The following MYO5A variants were observed in gnomAD, a reference collection of about 807,000 sequenced individuals.
MYO5A encodes myosin VA.
In MYO5A, 98 loss-of-function variants were observed where a neutral mutation model predicts 249.7. The observed-to-expected ratio is 0.39, with a 90% CI of 0.33 to 0.46. The LOEUF (loss-of-function observed/expected upper bound fraction) is 0.46. MYO5A is among the 20% of genes least tolerant of loss of function. MYO5A has a pLI of 0.98. For synonymous variants in MYO5A, 778 were observed against 810.6 expected, an observed-to-expected ratio of 0.96 and a Z score of 0.68; for missense variants, 1,696 against 2,308.8, an observed-to-expected ratio of 0.73 and a Z score of 5.44.
chr15:52,507,803 C>CAAAAAAA lies in MYO5A; in HGVS notation c.27+20976_27+20977insTTTTTTT, dbSNP rs146846192. Reference sequence around the variant, plus strand: ...TGAGCAACAGAATGAGACCCTGTCCCCAAAAAAAAAAAAAAAAAGTGTAAT... The same window carrying CAAAAAAA: ...TGAGCAACAGAATGAGACCCTGTCCCAAAAAAACAAAAAAAAAAAAAAAAAGTGTAAT... On this transcript the variant is annotated intron_variant, in intron 1 of 41. Transcript: ENST00000399233. Among the ~76,000 whole-genome samples the CAAAAAAA allele has an allele frequency of 3.4e-4, 43 of 127,206 alleles. 1 individual carries two copies. Among genetic ancestry groups the CAAAAAAA allele is most frequent in the African/African-American group, 7.6e-4 (24 of 31,514 alleles). 83.5% of individuals were successfully genotyped at this position (127,206 alleles called of 152,430 possible).
rs574580286 is a variant in MYO5A at position 52,350,452 on chromosome 15, T to G, written c.3849+802A>C. Reference sequence around the variant, plus strand: ...AATATCATTTCTAAGAGGAGTACTCTCAGATTTTCAGGCATCCAGCTCATT... The same window carrying G: ...AATATCATTTCTAAGAGGAGTACTCGCAGATTTTCAGGCATCCAGCTCATT... On this transcript the variant is annotated intron_variant, in intron 28 of 41. Coordinates refer to ENST00000399233, the MANE Select transcript of MYO5A (RefSeq NM_001382347.1). Among the ~76,000 whole-genome samples the G allele has an allele frequency of 5.3e-5, 8 of 152,306 alleles. No individual in the cohort carries two copies. The South Asian group carries it at 1.7e-3, about 32-fold the overall frequency.
intron 1 of MYO5A, among the ~76,000 whole-genome samples, chr15:52,487,118 G>A (rs566965654): frequency 6.6e-6 from 1 of 152,296 alleles, no homozygotes; most frequent in South Asian, 2.1e-4. Flanking sequence ...GGAACACTGT[G>A]CTAAAATGGG....
chr15:52,373,591 G>C (rs2041242770), intron 20 of MYO5A, among the ~76,000 whole-genome samples: 1 of 152,254 alleles, frequency 6.6e-6, no homozygotes, highest in African/African-American at 2.4e-5. Flanking sequence ...TAATGTGATG[G>C]CTGTTGGCTT....
rs2037697874 is a variant in MYO5A, at chr15:52,308,979, AC to A, written c.*4716del. 1 of 152,678 alleles carries A rather than the reference AC, an allele frequency of 6.5e-6. No homozygotes were observed. The highest frequency in any genetic ancestry group is 6.5e-5 in the Admixed American group (1 of 15,290). 9.5% of individuals were successfully genotyped at this position (152,678 alleles called of 1,614,324 possible). A position where few individuals can be genotyped will look rare whatever the true frequency, so the allele number is the denominator to read the frequency against. On this transcript the variant is annotated 3_prime_UTR_variant, in exon 42 of 42. Transcript: ENST00000399233. ...ACGGCATGCACACACTGCAGTGCCC[AC>A]GCACACACTGACTTGTATATGGCCT...
chr15:52,410,185 T>G (rs2043187604), intron 6 of MYO5A, 148 bp downstream of exon 6: 1 of 1,000,382 alleles, frequency 1.0e-6, no homozygotes, highest in Admixed American at 1.8e-5. Context: ...AGGCACCATT[T>G]TACAGGCTTC....
At position 52,397,387 on chromosome 15, in the gene MYO5A, C is replaced by T. The variant is rs1246102944; in HGVS notation, c.1133G>A (p.Arg378Gln). 7 of 1,614,028 alleles carry T rather than the reference C, an allele frequency of 4.3e-6. No homozygotes were observed. The highest frequency in any genetic ancestry group is 1.3e-5 in the African/African-American group (1 of 75,004). Residue 378 changes from arginine to glutamine, a missense_variant, in exon 10 of 42, where the codon CGG becomes CAG. Physicochemically the swap from Arg to Gln is conservative, Grantham distance 43. Around this residue, in one of 5 missense-constraint regions of MYO5A, gnomAD observed 185 missense variants for 204.8 expected, o/e 0.90. Transcript: ENST00000399233. ...TGTCTCTGTGGCAGTAGCCAGTTTCCGATGGCAGAGCCAGTGACACATCTC... is the reference window on the plus strand; with the variant it reads ...TGTCTCTGTGGCAGTAGCCAGTTTCTGATGGCAGAGCCAGTGACACATCTC... ...YEEMCHWLCH[R>Q]KLATATETYI...
At chr15:52,315,524 G>A (rs1185737049) in intron 40 of MYO5A, among the ~76,000 whole-genome samples, 3 of 151,908 alleles carry the variant, frequency 2.0e-5, no homozygotes, top group Non-Finnish European at 4.4e-5. Flanking sequence ...ACAGGCACCC[G>A]CCACAATGCC....
chr15:52,473,507 C>A (rs1819436819), intron 1 of MYO5A, among the ~76,000 whole-genome samples: 1 of 152,142 alleles, frequency 6.6e-6, no homozygotes, highest in African/African-American at 2.4e-5. Context: ...AGGTTTTCTT[C>A]CAGGGTTTTT....
chr15:52,368,049 T>C (rs191001603), intron 22 of MYO5A, among the ~76,000 whole-genome samples: 8 of 152,238 alleles, frequency 5.3e-5, no homozygotes, highest in Non-Finnish European at 7.4e-5. Context: ...TTATGATGAG[T>C]AAAATCTGAA....
chr15:52,406,436 T>A (rs750070655), intron 8 of MYO5A, among the ~76,000 whole-genome samples: 1 of 152,220 alleles, frequency 6.6e-6, no homozygotes, highest in Non-Finnish European at 1.5e-5. Flanking sequence ...ACTTTTAATA[T>A]GCATATGAAT....
intron 1 of MYO5A, among the ~76,000 whole-genome samples, chr15:52,454,751 A>G (rs12442531): frequency 0.19 from 29,594 of 152,116 alleles, 3,655 homozygotes; most frequent in East Asian, 0.56. Flanking sequence ...ATTAAGATGG[A>G]AATTTAAAAT....
chr15:52,314,501 A>C (rs2037896948), intron 40 of MYO5A, among the ~76,000 whole-genome samples: 1 of 152,234 alleles, frequency 6.6e-6, no homozygotes, highest in South Asian at 2.1e-4. Context: ...CCATCCTTCC[A>C]GTCTCCCAAA....
intron 30 of MYO5A, among the ~76,000 whole-genome samples, chr15:52,345,379 C>T (rs1055773743): frequency 1.1e-4 from 17 of 151,992 alleles, no homozygotes; most frequent in Non-Finnish European, 1.6e-4. Flanking sequence ...GCCTGGAGCT[C>T]GGGACGACCC....
Position 52,428,535 on chromosome 15 carries a change from T to A in MYO5A, c.173A>T (p.Glu58Val). 1 of 1,614,192 alleles carries A rather than the reference T, an allele frequency of 6.2e-7. No homozygotes were observed. Among genetic ancestry groups the A allele is most frequent in the Non-Finnish European group, 8.5e-7 (1 of 1,180,028 alleles). Residue 58 changes from glutamate to valine, a missense_variant, in exon 3 of 42, where the codon GAG becomes GTG. By Grantham distance (121) the Glu-to-Val change is moderately radical. This residue lies in a region of MYO5A where 197 missense variants were observed against 320.3 expected (regional missense o/e 0.62). Transcript: ENST00000399233. ...LEYHLDPKTKELPHLRNPDIL... is the reference protein window; with the variant it reads ...LEYHLDPKTKVLPHLRNPDIL... ...GTCAGGATTTCGTAAGTGAGGCAGC[T>A]CCTTGGTCTTTGGATCTAGATGGTA...
chr15:52,521,383 A>G (rs1372833912), intron 1 of MYO5A, among the ~76,000 whole-genome samples: 1 of 152,156 alleles, frequency 6.6e-6, no homozygotes, highest in African/African-American at 2.4e-5. Flanking sequence ...TACATTTGTC[A>G]AGAAGTAGAA....
At chr15:52,436,813 TATTATTACCAACACATACA>T (rs59296748) in intron 1 of MYO5A, among the ~76,000 whole-genome samples, 9,402 of 152,248 alleles carry the variant, frequency 0.062, 876 homozygotes, top group African/African-American at 0.2. Flanking sequence ...AATTTTCTCT[TATTATTACCAACACATACA>T]AACTTTTAAT....
chr15:52,484,996 A>G (rs2076788169), intron 1 of MYO5A, among the ~76,000 whole-genome samples: 1 of 152,176 alleles, frequency 6.6e-6, no homozygotes, highest in South Asian at 2.1e-4. Context: ...TGCTGGGATT[A>G]CAGGTGTAAG....
At chr15:52,467,630 G>C (rs764386151) in intron 1 of MYO5A, among the ~76,000 whole-genome samples, 10 of 152,104 alleles carry the variant, frequency 6.6e-5, no homozygotes, top group Non-Finnish European at 1.3e-4. Flanking sequence ...AATTTCCCAA[G>C]TCAAGAAAGA....
chr15:52,412,185 C>T (rs930753556), intron 5 of MYO5A, among the ~76,000 whole-genome samples: 9 of 152,198 alleles, frequency 5.9e-5, no homozygotes, highest in African/African-American at 2.2e-4. Context: ...GTCCTAAGCA[C>T]TTTCCTGCCA....
Sources: gnomAD v4.1 joint callset for allele counts (sites outside exome capture counted in the v4.1 genomes callset) on GRCh38, gnomAD v4.1.1 for gene constraint, gnomAD v4.1.1 regional missense constraint, MANE v1.5 for transcripts, NCBI Gene and HGNC (gene_info 2026-07-23, HGNC 2026-07-21) for gene names.